The following MGAT4C variants were observed in gnomAD, a reference collection of about 807,000 sequenced individuals.
The protein encoded by MGAT4C is MGAT4 family member C, also known as alpha-1,3-mannosyl-glycoprotein 4-beta-N-acetylglucosaminyltransferase C.
A neutral mutation model predicts 40.1 loss-of-function variants in MGAT4C; 19 were observed. The ratio of observed to expected loss-of-function variants is 0.47; its 90% CI spans 0.33 to 0.70. The LOEUF (loss-of-function observed/expected upper bound fraction) is 0.70, where lower values mean the gene tolerates loss of function less well. MGAT4C is among the 30% of genes least tolerant of loss of function. MGAT4C has a pLI of 0.02. For synonymous variants in MGAT4C, 181 were observed against 187.1 expected, an observed-to-expected ratio of 0.97 and a Z score of 0.27; for missense variants, 491 against 563.2, an observed-to-expected ratio of 0.87 and a Z score of 1.30.
chr12:86,377,054 C>A (rs1955841259), intron 3 of MGAT4C, among the ~76,000 whole-genome samples: 1 of 147,538 alleles, frequency 6.8e-6, no homozygotes, highest in African/African-American at 2.5e-5. Context: ...TGTGGTTAGG[C>A]ATTTGCTTTT....
intron 1 of MGAT4C, among the ~76,000 whole-genome samples, chr12:86,182,140 A>G (rs181887328): frequency 3.3e-5 from 5 of 152,262 alleles, no homozygotes; most frequent in Admixed American, 3.3e-4. Flanking sequence ...TGGACATTGA[A>G]TAAAATGATT....
At chr12:86,679,402 G>A (rs760560105) in intron 2 of MGAT4C, among the ~76,000 whole-genome samples, 3 of 151,922 alleles carry the variant, frequency 2.0e-5, no homozygotes, top group African/African-American at 7.3e-5. Flanking sequence ...ATCCTATAGT[G>A]GTTTTCTGTC....
chr12:86,201,497 A>T (rs1950048799), intron 1 of MGAT4C, among the ~76,000 whole-genome samples: 1 of 149,352 alleles, frequency 6.7e-6, no homozygotes, highest in Non-Finnish European at 1.5e-5. Context: ...TAAAATATTT[A>T]CGTTTTATCA....
At chr12:86,514,387 A>G (rs1351130746) in intron 2 of MGAT4C, among the ~76,000 whole-genome samples, 1 of 152,144 alleles carries the variant, frequency 6.6e-6, no homozygotes, top group Non-Finnish European at 1.5e-5. Context: ...CGAGTTTATT[A>G]TATGTCTAAA....
At chr12:86,667,882 T>G (rs1411865036) in intron 2 of MGAT4C, among the ~76,000 whole-genome samples, 1 of 152,198 alleles carries the variant, frequency 6.6e-6, no homozygotes, top group Non-Finnish European at 1.5e-5. Flanking sequence ...GTGTAGCAAG[T>G]GAGGCTGCTT....
At chr12:86,756,206 A>T (rs61949589) in intron 1 of MGAT4C, among the ~76,000 whole-genome samples, 13,811 of 152,126 alleles carry the variant, frequency 0.091, 814 homozygotes, top group Middle Eastern at 0.24. Flanking sequence ...GAAGCTTATG[A>T]ATAGCCACCT....
chr12:86,306,630 C>T (rs935081444), intron 4 of MGAT4C, among the ~76,000 whole-genome samples: 11 of 150,424 alleles, frequency 7.3e-5, no homozygotes, highest in Non-Finnish European at 1.0e-4. Flanking sequence ...TTGGATTGAA[C>T]AGGCATATGC....
At chr12:86,439,388 A>G (rs986320101) in intron 2 of MGAT4C, among the ~76,000 whole-genome samples, 1 of 152,070 alleles carries the variant, frequency 6.6e-6, no homozygotes, top group Non-Finnish European at 1.5e-5. Context: ...TTAGGTTAAC[A>G]ATAAAATCAA....
intron 1 of MGAT4C, among the ~76,000 whole-genome samples, chr12:86,147,484 A>G (rs1013366601): frequency 5.3e-5 from 8 of 151,976 alleles, no homozygotes; most frequent in Non-Finnish European, 7.4e-5. Context: ...CTCGTGATCC[A>G]CCCGCCTCGG....
chr12:86,727,368 G>A (rs1054246927), intron 1 of MGAT4C: 1 of 152,044 alleles, frequency 6.6e-6, no homozygotes, highest in East Asian at 1.9e-4. Flanking sequence ...TTTTAGTGGT[G>A]GTAGTAGAGG....
chr12:86,624,266 C>CA (rs1565889604), intron 2 of MGAT4C, among the ~76,000 whole-genome samples: 10 of 152,116 alleles, frequency 6.6e-5, no homozygotes, highest in Non-Finnish European at 1.3e-4. Context: ...ACAAGGGAAT[C>CA]TAAAGTTGAC....
chr12:86,284,969 T>G (rs755522707), intron 4 of MGAT4C, among the ~76,000 whole-genome samples: 1 of 152,052 alleles, frequency 6.6e-6, no homozygotes, highest in Non-Finnish European at 1.5e-5. Flanking sequence ...GTCTAAACAT[T>G]AGACAAAATT....
At chr12:86,595,358 C>T (rs1332540065) in intron 2 of MGAT4C, among the ~76,000 whole-genome samples, 2 of 152,000 alleles carry the variant, frequency 1.3e-5, no homozygotes, top group Admixed American at 6.6e-5. Flanking sequence ...TGCTGAAACA[C>T]CATCTCTACT....
rs112781686 is a variant in MGAT4C at position 86,306,166 on chromosome 12, C to T, written c.-57+27899G>A. Among the ~76,000 whole-genome samples, 275 of 150,336 alleles carry T rather than the reference C, an allele frequency of 1.8e-3. 24 individuals carry two copies. The highest frequency in any genetic ancestry group is 6.6e-3 in the African/African-American group (262 of 39,874). ...AAAAGATCTGGCAGTGTCCTATAAA[C>T]CTCAAGATTCACCTCTTATGACCCT... On this transcript the variant is annotated intron_variant, in intron 4 of 7. Coordinates refer to the MGAT4C transcript ENST00000548651.
chr12:86,245,310 T>C (rs1286621293), intron 1 of MGAT4C, among the ~76,000 whole-genome samples: 1 of 152,178 alleles, frequency 6.6e-6, no homozygotes, highest in Non-Finnish European at 1.5e-5. Flanking sequence ...CAGGTTAGCA[T>C]GCCAGGTTTC....
intron 1 of MGAT4C, among the ~76,000 whole-genome samples, chr12:86,757,389 T>A (rs985834579): frequency 6.6e-6 from 1 of 152,122 alleles, no homozygotes; most frequent in Non-Finnish European, 1.5e-5. Context: ...TATAAATTAC[T>A]ATATTAAAAA....
intron 2 of MGAT4C, among the ~76,000 whole-genome samples, chr12:86,596,707 A>G (rs1412118064): frequency 1.3e-5 from 2 of 152,162 alleles, no homozygotes; most frequent in Non-Finnish European, 2.9e-5. Context: ...CCATTGAAGA[A>G]CAGAATATAT....
chr12:86,148,462 T>C (rs1041675512), intron 1 of MGAT4C, among the ~76,000 whole-genome samples: 7 of 152,224 alleles, frequency 4.6e-5, no homozygotes, highest in Admixed American at 2.6e-4. Flanking sequence ...GAGAAGGGTA[T>C]AGAGCTAATT....
At chr12:86,069,627 A>G (rs1307874329) in intron 1 of MGAT4C, among the ~76,000 whole-genome samples, 1 of 152,132 alleles carries the variant, frequency 6.6e-6, no homozygotes, top group Non-Finnish European at 1.5e-5. Context: ...GGCCAATTAC[A>G]GTCATTCTTA....
Sources: allele counts gnomAD v4.1 joint callset (sites outside exome capture counted in the v4.1 genomes callset), GRCh38; gene constraint gnomAD v4.1.1; transcripts MANE v1.5; gene names NCBI Gene and HGNC (gene_info 2026-07-23, HGNC 2026-07-21).